The following LARP1B variants were observed in gnomAD, a reference collection of about 807,000 sequenced individuals.
LARP1B encodes la-related protein 1B.
A neutral mutation model predicts 114.2 loss-of-function variants in LARP1B; 76 were observed. That is an observed-to-expected ratio of 0.67 (90% confidence interval 0.55 to 0.81). The LOEUF is 0.81. LARP1B is among the 30% of genes least tolerant of loss of function. The probability of loss-of-function intolerance (pLI) is 0.00; values close to 1 mark genes in which losing one functional copy is unlikely to be tolerated. For missense variants in LARP1B, 1,014 were observed against 1,075.8 expected, an observed-to-expected ratio of 0.94 and a Z score of 0.80; for synonymous variants, 345 against 348.0, an observed-to-expected ratio of 0.99 and a Z score of 0.10.
In LARP1B at chr4:128,105,077, G is replaced by GTT. The variant is rs11407647; in HGVS notation, c.814-2053_814-2052dup. On this transcript the variant is annotated intron_variant, in intron 8 of 19. Coordinates refer to ENST00000326639, the MANE Select transcript of LARP1B (RefSeq NM_018078.4). ...GAAAGTTTCAAGGAGTTTTTTTTTT[G>GTT]TTTTTTTTTTACATTCAGGGATAGA... is the stretch of plus-strand genomic sequence containing the variant. Among the ~76,000 whole-genome samples the GTT allele has an allele frequency of 2.3e-3, 338 of 148,942 alleles. 2 individuals are homozygous for GTT. The highest frequency in any genetic ancestry group is 7.1e-3 in the African/African-American group (289 of 40,504).
intron 15 of LARP1B, among the ~76,000 whole-genome samples, chr4:128,193,731 C>T (rs891641875): frequency 6.6e-6 from 1 of 152,072 alleles, no homozygotes; most frequent in Non-Finnish European, 1.5e-5. Context: ...ATTCTCCTGC[C>T]TCAGCCTCCT....
Position 128,210,749 on chromosome 4 carries a change from T to C in LARP1B, c.*696T>C, listed in dbSNP as rs541267536. The C allele has an allele frequency of 1.5e-4, 143 of 985,148 alleles. No homozygotes were observed. The highest frequency in any genetic ancestry group is 1.7e-4 in the Non-Finnish European group (141 of 829,778). 61.0% of individuals were successfully genotyped at this position (985,148 alleles called of 1,614,324 possible). On this transcript the variant is annotated 3_prime_UTR_variant, in exon 20 of 20. Coordinates refer to ENST00000326639, the MANE Select transcript of LARP1B (RefSeq NM_018078.4). ...CTCATGATTTCCACAGTTGTTGTAT[T>C]GGTGTGGAGTTTTCTGAATTGGCTA...
intron 11 of LARP1B, among the ~76,000 whole-genome samples, chr4:128,150,084 G>C (rs1276474573): frequency 6.6e-6 from 1 of 152,142 alleles, no homozygotes; most frequent in Non-Finnish European, 1.5e-5. Context: ...CCGGGAGGCG[G>C]AGGTTGCAGT....
chr4:128,092,850 CACTATT>C, intron 7 of LARP1B: 1 of 985,356 alleles, frequency 1.0e-6, no homozygotes, highest in East Asian at 1.1e-4. Context: ...AACTTCATAC[CACTATT>C]ACTGTCTTTT....
chr4:128,157,309 A>T (rs531445598), intron 11 of LARP1B, among the ~76,000 whole-genome samples: 1 of 152,288 alleles, frequency 6.6e-6, no homozygotes, highest in South Asian at 2.1e-4. Flanking sequence ...GGATCAAAAG[A>T]AAAATCCAGA....
rs186260933 is a variant in LARP1B, at chr4:128,074,153, C to G, written c.-77-307C>G. Among the ~76,000 whole-genome samples the G allele has an allele frequency of 2.1e-3, 322 of 151,540 alleles. 1 individual carries two copies. Among genetic ancestry groups the G allele is most frequent in the Non-Finnish European group, 3.6e-3 (242 of 67,864 alleles). On this transcript the variant is annotated intron_variant, in intron 1 of 19. Coordinates refer to ENST00000326639, the MANE Select transcript of LARP1B (RefSeq NM_018078.4). ...CGGGGTTTCTCCATGTTGGTCAGGC[C>G]GGTCTCGAACTCCTGACCTCAGGTG... is the stretch of plus-strand genomic sequence containing the variant.
rs1203674532 is a variant in LARP1B, at chr4:128,211,247, A to G, written c.*1194A>G. The G allele has an allele frequency of 6.3e-6, 6 of 953,180 alleles. No individual in the cohort carries two copies. Among genetic ancestry groups the G allele is most frequent in the Non-Finnish European group, 7.5e-6 (6 of 800,564 alleles). The allele number at this position is 953,180 out of a possible 1,614,324, so 59.0% of individuals were successfully genotyped here. A position where few individuals can be genotyped will look rare whatever the true frequency, so the allele number is the denominator to read the frequency against. On this transcript the variant is annotated 3_prime_UTR_variant, in exon 20 of 20. Transcript: ENST00000326639. ...TGTGTGAATGAAGTTTCAATTATAA[A>G]CTTACATTCACTTTATTGAGCACTA...
intron 17 of LARP1B, among the ~76,000 whole-genome samples, chr4:128,202,453 A>G (rs1020009201): frequency 1.3e-5 from 2 of 152,230 alleles, no homozygotes; most frequent in South Asian, 2.1e-4. Context: ...TGCAAAACAT[A>G]TATCTTTTTA....
chr4:128,213,449 T>G (rs1454333328), downstream of LARP1B, among the ~76,000 whole-genome samples: 1 of 152,240 alleles, frequency 6.6e-6, no homozygotes, highest in East Asian at 1.9e-4. Context: ...ATTAACCCTT[T>G]GCTTTCTAAT....
Position 128,077,923 on chromosome 4 carries a change from A to G in LARP1B, c.178A>G (p.Ser60Gly). 1 of 1,612,560 alleles carries G rather than the reference A, an allele frequency of 6.2e-7. No homozygotes were observed. The highest frequency in any genetic ancestry group is 8.5e-7 in the Non-Finnish European group (1 of 1,179,648). Residue 60 changes from serine (S) to glycine (G), a missense_variant, in exon 4 of 20, where the codon AGT (serine) becomes GGT (glycine). By Grantham distance (56) the Ser-to-Gly change is moderately conservative (BLOSUM62 0). Transcript: ENST00000326639. ...TKLNGPGENV[S>G]EDEAQSSNQR... ...ATTAAATGGTCCTGGTGAAAACGTC[A>G]GTGAGGATGAGGCTCAGTCAAGTAA...
intron 8 of LARP1B, among the ~76,000 whole-genome samples, chr4:128,102,625 C>T (rs143645234): frequency 5.3e-5 from 8 of 152,130 alleles, no homozygotes; most frequent in East Asian, 3.9e-4. Flanking sequence ...GATTCTTCTC[C>T]GCTCATTTAT....
Position 128,118,082 on chromosome 4 carries a change from ATTTTTTTTTTT to A in LARP1B, c.1161+3354_1161+3364del, listed in dbSNP as rs34699544. On this transcript the variant is annotated intron_variant, in intron 10 of 19. Transcript: ENST00000326639. ...AGGCACAAACCAACAGGCCCGGCTA[ATTTTTTTTTTT>A]TTTTTTTTTTTTTGTAGAGACAGGG... Among the ~76,000 whole-genome samples, 6 of 76,736 alleles carry A rather than the reference ATTTTTTTTTTT, an allele frequency of 7.8e-5. 1 individual carries two copies. The highest frequency in any genetic ancestry group is 1.9e-4 in the Admixed American group (1 of 5,234). The allele number at this position is 76,736 out of a possible 152,430, so 50.3% of individuals were successfully genotyped here.
chr4:128,120,803 ATT>A (rs56253884), intron 10 of LARP1B, among the ~76,000 whole-genome samples: 146 of 128,982 alleles, frequency 1.1e-3, no homozygotes, highest in Middle Eastern at 4.2e-3. Flanking sequence ...GGGGTAGACA[ATT>A]TTTTTTTTTT....
chr4:128,109,815 C>G (rs1178792127), intron 9 of LARP1B, among the ~76,000 whole-genome samples: 1 of 151,236 alleles, frequency 6.6e-6, no homozygotes, highest in Non-Finnish European at 1.5e-5. Flanking sequence ...TTTAATTACC[C>G]AGAACTGTGA....
At chr4:128,172,783 G>A (rs1032019747) in intron 12 of LARP1B, among the ~76,000 whole-genome samples, 5 of 151,728 alleles carry the variant, frequency 3.3e-5, no homozygotes, top group Admixed American at 3.3e-4. Context: ...ATTTATATTA[G>A]GGCACTTGAA....
intron 11 of LARP1B, among the ~76,000 whole-genome samples, chr4:128,130,343 G>T (rs1264648475): frequency 1.3e-5 from 2 of 152,056 alleles, no homozygotes; most frequent in East Asian, 1.9e-4. Flanking sequence ...AAAAATGGTC[G>T]ATAGACCAGT....
rs71593507 is a variant in LARP1B, at chr4:128,166,970, CTATATA to C, written c.1648+4672_1648+4677del. 8.3e-3 allele frequency among the ~76,000 whole-genome samples: 649 copies of C among 77,786 alleles called. 6 individuals carry two copies. Among genetic ancestry groups the C allele is most frequent in the Middle Eastern group, 0.033 (4 of 122 alleles). 51.0% of individuals were successfully genotyped at this position (77,786 alleles called of 152,430 possible). ...TCTCTCTCTCTCTCTCTCTCTCTCT[CTATATA>C]TATATATATATATATATACACACAC... On this transcript the variant is annotated intron_variant, in intron 12 of 19. Transcript: ENST00000326639.
At position 128,210,856 on chromosome 4, in the gene LARP1B, A is replaced by G. The variant is rs1035584694; in HGVS notation, c.*803A>G. The G allele has an allele frequency of 1.1e-5, 11 of 984,646 alleles. No individual in the cohort carries two copies. In the South Asian group the frequency reaches 2.8e-4, roughly 25 times the overall value. The allele number at this position is 984,646 out of a possible 1,614,324, so 61.0% of individuals were successfully genotyped here. ...TAATTTAAAACCTGCATTGGGATTG[A>G]TTGGAATATTGTCCTAAATTAATTA... is the stretch of plus-strand genomic sequence containing the variant. On this transcript the variant is annotated 3_prime_UTR_variant, in exon 20 of 20. Transcript: ENST00000326639.
At chr4:128,102,878 C>CT (rs1200775743) in intron 8 of LARP1B, among the ~76,000 whole-genome samples, 2 of 152,170 alleles carry the variant, frequency 1.3e-5, no homozygotes, top group Non-Finnish European at 2.9e-5. Context: ...GTGCCTGCTA[C>CT]TTTCATCTCA....
Sources: allele counts gnomAD v4.1 joint callset (sites outside exome capture counted in the v4.1 genomes callset), GRCh38; gene constraint gnomAD v4.1.1; transcripts MANE v1.5; gene names NCBI Gene and HGNC (gene_info 2026-07-23, HGNC 2026-07-21).